The following MTHFD2L variants were observed in gnomAD, a reference collection of about 807,000 sequenced individuals.
MTHFD2L encodes bifunctional methylenetetrahydrofolate dehydrogenase/cyclohydrolase 2, mitochondrial.
MTHFD2L carries 29 observed loss-of-function variants against 34.9 expected under a neutral mutation model. The observed-to-expected ratio is 0.83, with a 90% CI of 0.62 to 1.13. The LOEUF (loss-of-function observed/expected upper bound fraction) is 1.13. Ranked by LOEUF, MTHFD2L falls within the 50% of genes most tolerant of loss-of-function variation. MTHFD2L has a pLI of 0.00. For synonymous variants in MTHFD2L, 167 were observed against 155.7 expected, an observed-to-expected ratio of 1.07 and a Z score of -0.54; for missense variants, 481 against 446.5, an observed-to-expected ratio of 1.08 and a Z score of -0.70.
intron 5 of MTHFD2L, among the ~76,000 whole-genome samples, chr4:74,211,901 G>C (rs914405840): frequency 6.6e-6 from 1 of 151,820 alleles, no homozygotes; most frequent in African/African-American, 2.4e-5. Context: ...GCTTCTTCCT[G>C]GTTTAGTGTT....
At chr4:74,270,804 C>A (rs568891783) in intron 6 of MTHFD2L, among the ~76,000 whole-genome samples, 2 of 152,140 alleles carry the variant, frequency 1.3e-5, no homozygotes, top group East Asian at 3.9e-4. Context: ...CAAAGTGTTC[C>A]TATTTCTCCA....
chr4:74,252,749 T>A (rs890478088), intron 6 of MTHFD2L, among the ~76,000 whole-genome samples: 1 of 152,078 alleles, frequency 6.6e-6, no homozygotes, highest in Non-Finnish European at 1.5e-5. Flanking sequence ...GCTTGTGATA[T>A]GGAACATAAG....
intron 5 of MTHFD2L, among the ~76,000 whole-genome samples, chr4:74,202,252 A>G (rs1410967982): frequency 1.3e-5 from 2 of 152,228 alleles, no homozygotes; most frequent in African/African-American, 4.8e-5. Flanking sequence ...GCAATTAAGC[A>G]CCCATGGTAG....
chr4:74,126,181 A>C (rs1370896287), intron 1 of MTHFD2L, among the ~76,000 whole-genome samples: 2 of 152,186 alleles, frequency 1.3e-5, no homozygotes, highest in Non-Finnish European at 2.9e-5. Context: ...TGTGACTTTA[A>C]ATGAAATGAA....
At chr4:74,154,499 C>T (rs1724130215), upstream of MTHFD2L, among the ~76,000 whole-genome samples, 1 of 151,904 alleles carries the variant, frequency 6.6e-6, no homozygotes, top group African/African-American at 2.4e-5. Flanking sequence ...TGATTATGGG[C>T]TCATGGATAT....
intron 6 of MTHFD2L, among the ~76,000 whole-genome samples, chr4:74,237,790 C>T (rs1265682439): frequency 6.6e-6 from 1 of 152,138 alleles, no homozygotes; most frequent in Non-Finnish European, 1.5e-5. Flanking sequence ...GGCATTGCAT[C>T]AGCACCACTG....
intron 5 of MTHFD2L, among the ~76,000 whole-genome samples, chr4:74,210,901 A>G (rs1736201882): frequency 6.6e-6 from 1 of 152,080 alleles, no homozygotes; most frequent in Non-Finnish European, 1.5e-5. Flanking sequence ...GAGGTCCTTC[A>G]TATCCCTTTA....
intron 6 of MTHFD2L, among the ~76,000 whole-genome samples, chr4:74,254,470 T>C (rs1743727567): frequency 6.6e-6 from 1 of 151,544 alleles, no homozygotes; most frequent in Non-Finnish European, 1.5e-5. Flanking sequence ...GCCAAGAGAG[T>C]GTCATGGTAT....
chr4:74,184,218 T>C (rs1296298124), intron 3 of MTHFD2L, among the ~76,000 whole-genome samples: 1 of 152,168 alleles, frequency 6.6e-6, no homozygotes, highest in Non-Finnish European at 1.5e-5. Context: ...AATAATCCAA[T>C]TAAACATCAG....
chr4:74,260,814 A>T (rs980460470), intron 6 of MTHFD2L, among the ~76,000 whole-genome samples: 1 of 152,128 alleles, frequency 6.6e-6, no homozygotes, highest in Non-Finnish European at 1.5e-5. Context: ...TATGAAAAGA[A>T]TACAAGACAA....
intron 1 of MTHFD2L, among the ~76,000 whole-genome samples, chr4:74,150,488 G>A (rs747077976): frequency 6.6e-6 from 1 of 152,102 alleles, no homozygotes; most frequent in Non-Finnish European, 1.5e-5. Flanking sequence ...TGCCGACCTC[G>A]GGTGATCCGC....
Position 74,175,375 on chromosome 4 carries a change from C to T in MTHFD2L, c.423C>T (p.Ser141=), listed in dbSNP as rs144134646. ...AATTGAATATGGACCCAAGAGTCAG[C>T]GGTATATTAGTTCAGTTACCACTAC... ...TDQLNMDPRV[S]GILVQLPLPD... is the part of the protein sequence containing the mutation. The change falls in exon 3 of 8, where the codon AGC becomes AGT. Residue 141 remains serine, a synonymous_variant. Coordinates refer to ENST00000325278, the MANE Select transcript of MTHFD2L (RefSeq NM_001144978.3). 1.4e-3 allele frequency: 2,241 copies of T among 1,611,766 alleles called. 7 individuals carry two copies. The highest frequency in any genetic ancestry group is 1.7e-3 in the Non-Finnish European group (1,956 of 1,178,718).
intron 1 of MTHFD2L, among the ~76,000 whole-genome samples, chr4:74,126,986 A>T (rs1194356158): frequency 6.6e-6 from 1 of 152,058 alleles, no homozygotes; most frequent in East Asian, 1.9e-4. Context: ...ATAGTGAATG[A>T]GTTATCATGA....
intron 5 of MTHFD2L, among the ~76,000 whole-genome samples, chr4:74,216,298 C>A (rs1478408660): frequency 6.6e-6 from 1 of 151,762 alleles, no homozygotes; most frequent in Non-Finnish European, 1.5e-5. Context: ...CAGTTCTCAA[C>A]TTTAGCTGCC....
intron 3 of MTHFD2L, among the ~76,000 whole-genome samples, chr4:74,191,426 A>G (rs536976361): frequency 1.2e-4 from 19 of 152,080 alleles, no homozygotes; most frequent in African/African-American, 4.3e-4. Flanking sequence ...TGAATCTTTC[A>G]CCTTAAATTT....
chr4:74,295,951 T>G (rs1187528203), intron 7 of MTHFD2L, among the ~76,000 whole-genome samples: 4 of 152,182 alleles, frequency 2.6e-5, no homozygotes, highest in African/African-American at 7.2e-5. Context: ...ACCTTCACAG[T>G]GCAGCACAAA....
At chr4:74,237,834 G>C (rs1230629659) in intron 6 of MTHFD2L, among the ~76,000 whole-genome samples, 1 of 152,104 alleles carries the variant, frequency 6.6e-6, no homozygotes, top group Non-Finnish European at 1.5e-5. Flanking sequence ...TTCAAAAAAA[G>C]GTAGGGGAGA....
chr4:74,175,427 T>A (rs755659872), intron 3 of MTHFD2L, 24 bp downstream of exon 3: 1 of 1,586,692 alleles, frequency 6.3e-7, no homozygotes, highest in South Asian at 1.2e-5. Flanking sequence ...CTCTTATTTA[T>A]CTGATTTTGT....
chr4:74,190,520 C>G, intron 3 of MTHFD2L: 1 of 985,350 alleles, frequency 1.0e-6, no homozygotes, highest in Non-Finnish European at 1.2e-6. Context: ...CTAGAGAACT[C>G]CTTCCAGTCT....
Sources: gnomAD v4.1 joint callset for allele counts (sites outside exome capture counted in the v4.1 genomes callset) on GRCh38, gnomAD v4.1.1 for gene constraint, MANE v1.5 for transcripts, NCBI Gene and HGNC (gene_info 2026-07-23, HGNC 2026-07-21) for gene names.